The following GRIK1 variants were observed in gnomAD, a reference collection of about 807,000 sequenced individuals.
GRIK1 encodes glutamate ionotropic receptor kainate type subunit 1.
GRIK1 carries 69 observed loss-of-function variants against 105.7 expected under a neutral mutation model. The ratio of observed to expected loss-of-function variants is 0.65; its 90% CI spans 0.54 to 0.80. The LOEUF is 0.80. Ranked by LOEUF, GRIK1 falls within the 30% of genes least tolerant of loss-of-function variation. The pLI, the probability that GRIK1 is intolerant of heterozygous loss-of-function variation, is 0.00. For synonymous variants in GRIK1, 438 were observed against 431.3 expected (o/e 1.02, Z -0.19); for missense variants, 1,109 against 1,167.3 (o/e 0.95, Z 0.73).
chr21:29,898,607 T>C (rs955120923), intron 1 of GRIK1, among the ~76,000 whole-genome samples: 5 of 152,202 alleles, frequency 3.3e-5, no homozygotes, highest in Non-Finnish European at 7.4e-5. Flanking sequence ...CCTAAAAAGA[T>C]AGCATACCTG....
chr21:29,836,484 C>A lies in GRIK1; in HGVS notation c.118+102899G>T, dbSNP rs560630420. Among the ~76,000 whole-genome samples, 13 of 152,186 alleles carry A rather than the reference C, an allele frequency of 8.5e-5. No homozygotes were observed. In the East Asian group the frequency reaches 1.2e-3, roughly 14 times the overall value. On this transcript the variant is annotated intron_variant, in intron 1 of 17. Coordinates refer to ENST00000327783, the MANE Select transcript of GRIK1 (RefSeq NM_001330994.2). ...GGAAAAGTCCCTATGTACAGTGGAA[C>A]AATTATTAGGATAATTATAGTAAAA... is the stretch of plus-strand genomic sequence containing the variant.
chr21:29,821,765 A>G (rs1270215740), intron 1 of GRIK1, among the ~76,000 whole-genome samples: 3 of 152,072 alleles, frequency 2.0e-5, no homozygotes, highest in Non-Finnish European at 4.4e-5. Context: ...GTAAGTTTTT[A>G]TAAATTTTAA....
chr21:29,937,590 C>T (rs1268808291), intron 1 of GRIK1, among the ~76,000 whole-genome samples: 3 of 152,098 alleles, frequency 2.0e-5, no homozygotes, highest in Non-Finnish European at 4.4e-5. Context: ...TCCTGAGTTC[C>T]TTTAGATGTG....
chr21:29,741,513 A>G (rs1371860622), intron 1 of GRIK1, among the ~76,000 whole-genome samples: 2 of 152,210 alleles, frequency 1.3e-5, no homozygotes, highest in Non-Finnish European at 2.9e-5. Flanking sequence ...TAAAAATTGC[A>G]ATAAAGAAAA....
intron 5 of GRIK1, among the ~76,000 whole-genome samples, chr21:29,654,030 AC>A (rs775759760): frequency 3.3e-5 from 5 of 151,306 alleles, no homozygotes; most frequent in South Asian, 4.2e-4. Flanking sequence ...ACTGTTACTG[AC>A]CCCCCCAGAA....
intron 5 of GRIK1, among the ~76,000 whole-genome samples, chr21:29,653,987 C>T (rs930201070): frequency 5.9e-5 from 9 of 152,204 alleles, no homozygotes; most frequent in Non-Finnish European, 1.3e-4. Context: ...TTCCCCTACT[C>T]ACTAGCTTGT....
intron 1 of GRIK1, among the ~76,000 whole-genome samples, chr21:29,807,443 A>G (rs1297757193): frequency 6.6e-6 from 1 of 152,088 alleles, no homozygotes; most frequent in East Asian, 1.9e-4. Context: ...CTTACATGCT[A>G]CATTCTTCCT....
At chr21:29,694,283 C>T (rs1259121556) in intron 1 of GRIK1, among the ~76,000 whole-genome samples, 2 of 151,760 alleles carry the variant, frequency 1.3e-5, no homozygotes, top group African/African-American at 4.8e-5. Flanking sequence ...ACTACCATGC[C>T]CGGCTAATTA....
chr21:29,799,232 T>C (rs371202190), intron 1 of GRIK1, among the ~76,000 whole-genome samples: 2 of 152,358 alleles, frequency 1.3e-5, no homozygotes, highest in African/African-American at 4.8e-5. Flanking sequence ...CTTAATTTTA[T>C]AATTAGAAGA....
rs149034863 is a variant in GRIK1 at position 29,798,259 on chromosome 21, G to A, written c.119-104196C>T. Reference sequence around the variant, plus strand: ...ATACTGCTGCTAAAAATTCTTAGGCGAATGGGAAGTAATGACTTACCAGAT... The same window carrying A: ...ATACTGCTGCTAAAAATTCTTAGGCAAATGGGAAGTAATGACTTACCAGAT... On this transcript the variant is annotated intron_variant, in intron 1 of 17. Transcript: ENST00000327783. Among the ~76,000 whole-genome samples the A allele has an allele frequency of 4.5e-3, 687 of 152,262 alleles. 4 individuals carry two copies. Among genetic ancestry groups the A allele is most frequent in the Non-Finnish European group, 6.7e-3 (458 of 68,012 alleles).
At chr21:29,578,107 A>G (rs1010168024) in intron 13 of GRIK1, among the ~76,000 whole-genome samples, 1 of 152,206 alleles carries the variant, frequency 6.6e-6, no homozygotes, top group Non-Finnish European at 1.5e-5. Context: ...GAGAAGTACA[A>G]TTAGAGTTCA....
In GRIK1 at chr21:29,548,937, C is replaced by T. The variant is rs73897679; in HGVS notation, c.2607+6115G>A. 6.1e-3 allele frequency among the ~76,000 whole-genome samples: 923 copies of T among 152,152 alleles called. 9 individuals carry two copies. Among genetic ancestry groups the T allele is most frequent in the African/African-American group, 0.021 (862 of 41,504 alleles). ...GTAAAATATAAAGCTTAATTTTTTT[C>T]CCTTATTTCATTAGGTTAGAAGCAA... On this transcript the variant is annotated intron_variant, in intron 16 of 17. Transcript: ENST00000327783.
At chr21:29,802,865 C>T (rs2066751118) in intron 1 of GRIK1, among the ~76,000 whole-genome samples, 1 of 152,124 alleles carries the variant, frequency 6.6e-6, no homozygotes, top group Non-Finnish European at 1.5e-5. Context: ...CACTAGTATG[C>T]TATATGACTC....
At chr21:29,587,645 G>T (rs1475750410) in intron 11 of GRIK1, 56 bp from the exon 12 acceptor site, 1 of 954,786 alleles carries the variant, frequency 1.0e-6, no homozygotes, top group Non-Finnish European at 1.6e-6. Context: ...CAAATGTCTA[G>T]ACTTTTCCTG....
chr21:29,674,579 C>A (rs762544326), intron 3 of GRIK1, among the ~76,000 whole-genome samples: 37 of 152,016 alleles, frequency 2.4e-4, no homozygotes, highest in Non-Finnish European at 4.7e-4. Context: ...GGGCGGATAT[C>A]CCCCAGGCTG....
intron 7 of GRIK1, among the ~76,000 whole-genome samples, chr21:29,612,022 T>C (rs1049356062): frequency 8.5e-5 from 13 of 152,280 alleles, no homozygotes; most frequent in African/African-American, 2.6e-4. Context: ...TCACCTAGCA[T>C]GGAGCAGCTT....
chr21:29,939,249 A>T, intron 1 of GRIK1, 134 bp downstream of exon 1: 1 of 608,140 alleles, frequency 1.6e-6, no homozygotes, highest in South Asian at 1.9e-5. Flanking sequence ...GTAGCCTCCC[A>T]TGAGCACTGA....
chr21:29,644,686 A>T (rs141351756), intron 6 of GRIK1, among the ~76,000 whole-genome samples: 128 of 152,310 alleles, frequency 8.4e-4, no homozygotes, highest in African/African-American at 3.0e-3. Context: ...AATCAATTTC[A>T]TTGCCAGGGT....
At chr21:29,645,050 T>C (rs2062590318) in intron 6 of GRIK1, among the ~76,000 whole-genome samples, 2 of 152,240 alleles carry the variant, frequency 1.3e-5, no homozygotes, top group African/African-American at 2.4e-5. Context: ...GTTATTGGTC[T>C]GATGATTTAA....
Sources: allele counts gnomAD v4.1 joint callset (sites outside exome capture counted in the v4.1 genomes callset), GRCh38; gene constraint gnomAD v4.1.1; transcripts MANE v1.5; gene names NCBI Gene and HGNC (gene_info 2026-07-23, HGNC 2026-07-21).